The following UGT1A1 variants were observed in gnomAD, a reference collection of about 807,000 sequenced individuals.
UGT1A1 encodes the protein UDP-glucuronosyltransferase 1A1.
A neutral mutation model predicts 40.6 loss-of-function variants in UGT1A1; 33 were observed. That is an observed-to-expected ratio of 0.81 (90% CI 0.62 to 1.09). UGT1A1 has a LOEUF of 1.09. UGT1A1 is among the 50% of genes least tolerant of loss of function. The pLI, the probability that UGT1A1 is intolerant of heterozygous loss-of-function variation, is 0.00. For synonymous variants in UGT1A1, 249 were observed against 265.0 expected (o/e 0.94, Z 0.59); for missense variants, 694 against 671.2 (o/e 1.03, Z -0.38).
Position 233,768,325 on chromosome 2 carries a change from A to G in UGT1A1, c.1190A>G (p.Gln397Arg). 2.5e-6 allele frequency: 4 copies of G among 1,614,222 alleles called. No homozygotes were observed. The highest frequency in any genetic ancestry group is 3.4e-6 in the Non-Finnish European group (4 of 1,180,032). ...PMVMMPLFGDQMDNAKRMETK... is the reference protein window; with the variant it reads ...PMVMMPLFGDRMDNAKRMETK... ...GTGATGATGCCCTTGTTTGGTGATCAGATGGACAATGCAAAGCGCATGGAG... is the reference window on the plus strand; with the variant it reads ...GTGATGATGCCCTTGTTTGGTGATCGGATGGACAATGCAAAGCGCATGGAG... The change falls in exon 4 of 5, where the codon CAG becomes CGG. Residue 397 changes from glutamine (Q) to arginine (R), a missense_variant. Physicochemically the swap from Gln to Arg is conservative, Grantham distance 43 (BLOSUM62 1). Coordinates refer to ENST00000305208, the MANE Select transcript of UGT1A1 (RefSeq NM_000463.3).
intron 4 of UGT1A1, chr2:233,770,180 T>C (rs1257391797): frequency 6.6e-6 from 1 of 152,250 alleles, no homozygotes; most frequent in Non-Finnish European, 1.5e-5. Context: ...CTCAACTTAT[T>C]AACTAACTTT....
Position 233,769,514 on chromosome 2 carries a change from A to G in UGT1A1, c.1304+1075A>G. 2 of 1,612,844 alleles carry G rather than the reference A, an allele frequency of 1.2e-6. No homozygotes were observed. The highest frequency in any genetic ancestry group is 1.7e-6 in the Non-Finnish European group (2 of 1,179,856). ...ATGAGAGTGTCCATTGCTTTCTCCCATGGTTACCTCCTTTAGAAAGAAGCA... is the reference window on the plus strand; with the variant it reads ...ATGAGAGTGTCCATTGCTTTCTCCCGTGGTTACCTCCTTTAGAAAGAAGCA... On this transcript the variant is annotated intron_variant, in intron 4 of 4. Transcript: ENST00000305208. This position sits in a 1 kb window ranked among gnomAD's most constrained non-coding sequence, Gnocchi z 4.4.
In UGT1A1 at chr2:233,772,291, G is replaced by C; in HGVS notation, c.1334G>C (p.Ser445Thr). Residue 445 changes from serine (S) to threonine (T), a missense_variant, in exon 5 of 5, where the codon AGC becomes ACC. Physicochemically the swap from Ser to Thr is moderately conservative, Grantham distance 58. Transcript: ENST00000305208. ...SYKENIMRLS[S>T]LHKDRPVEPL... ...AAGGAGAACATCATGCGCCTCTCCA[G>C]CCTTCACAAGGACCGCCCGGTGGAG... 1 of 1,614,230 alleles carries C rather than the reference G, an allele frequency of 6.2e-7. No individual in the cohort carries two copies. The highest frequency in any genetic ancestry group is 8.5e-7 in the Non-Finnish European group (1 of 1,180,052).
intron 1 of UGT1A1, among the ~76,000 whole-genome samples, chr2:233,762,012 G>T (rs1697937713): frequency 6.6e-6 from 1 of 152,134 alleles, no homozygotes; most frequent in Non-Finnish European, 1.5e-5. Context: ...CCTCCAATGT[G>T]ATTTGTATTT....
At chr2:233,770,673 AAAG>A (rs1468674033) in intron 4 of UGT1A1, 2 of 152,078 alleles carry the variant, frequency 1.3e-5, no homozygotes, top group Admixed American at 6.6e-5. Context: ...AAAAAAAAAA[AAAG>A]AAGGTTCCAA....
At chr2:233,764,944 G>A (rs994254200) in intron 1 of UGT1A1, among the ~76,000 whole-genome samples, 1 of 152,160 alleles carries the variant, frequency 6.6e-6, no homozygotes, top group South Asian at 2.1e-4. Flanking sequence ...AGAGTGGCGG[G>A]GAGAGAGGGC....
Position 233,769,243 on chromosome 2 carries a change from CA to C in UGT1A1, c.1304+807del. Among the ~76,000 whole-genome samples the C allele has an allele frequency of 6.6e-6, 1 of 152,264 alleles. No homozygotes were observed. The highest frequency in any genetic ancestry group is 1.9e-4 in the East Asian group (1 of 5,180). ...GAATAAGAGCAAAGGAAAATTTGCT[CA>C]AATGTGGCCCTGAAAACGATTCAAA... On this transcript the variant is annotated intron_variant, in intron 4 of 4. Coordinates refer to ENST00000305208, the MANE Select transcript of UGT1A1 (RefSeq NM_000463.3). The surrounding 1 kb of genome is among the most constrained non-coding windows in gnomAD (Gnocchi z 4.4).
chr2:233,761,493 C>T (rs34652311), intron 1 of UGT1A1, among the ~76,000 whole-genome samples: 4,469 of 152,304 alleles, frequency 0.029, 206 homozygotes, highest in African/African-American at 0.1. Flanking sequence ...TGCACCTTGC[C>T]CTGGATTCAG....
At chr2:233,768,557 A>C in intron 4 of UGT1A1, 118 bp downstream of exon 4, 1 of 1,466,482 alleles carries the variant, frequency 6.8e-7, no homozygotes, top group Non-Finnish European at 9.0e-7. Flanking sequence ...AAACAAATAC[A>C]TAAAAATCTG....
chr2:233,772,147 T>C, intron 4 of UGT1A1, 115 bp from the exon 5 acceptor site: 1 of 1,552,928 alleles, frequency 6.4e-7, no homozygotes, highest in East Asian at 2.4e-5. Flanking sequence ...TAGAAACAGG[T>C]TTCCTTTCCC....
At chr2:233,766,075 T>C (rs1699041647) in intron 1 of UGT1A1, among the ~76,000 whole-genome samples, 1 of 152,186 alleles carries the variant, frequency 6.6e-6, no homozygotes, top group Non-Finnish European at 1.5e-5. Context: ...CCCTCTACCT[T>C]GTCGCAAGGA....
At chr2:233,772,184 TA>T (rs2126065808) in intron 4 of UGT1A1, 77 bp from the exon 5 acceptor site, 1 of 1,591,636 alleles carries the variant, frequency 6.3e-7, no homozygotes, top group Admixed American at 1.8e-5. Context: ...GTAGTCTTCT[TA>T]AGCAGCCATG....
rs1191731023 is a variant in UGT1A1, at chr2:233,773,247, T to C, written c.*688T>C. ...ATGAAGTGCTGGGCAAGTTTACTTTTTTTCTGATGTTTCCTACAACTAAAA... is the reference window on the plus strand; with the variant it reads ...ATGAAGTGCTGGGCAAGTTTACTTTCTTTCTGATGTTTCCTACAACTAAAA... On this transcript the variant is annotated 3_prime_UTR_variant, in exon 5 of 5. Coordinates refer to ENST00000305208, the MANE Select transcript of UGT1A1 (RefSeq NM_000463.3). The C allele has an allele frequency of 6.6e-6, 1 of 152,354 alleles. No homozygotes were observed. Among genetic ancestry groups the C allele is most frequent in the Admixed American group, 6.5e-5 (1 of 15,284 alleles). 9.4% of individuals were successfully genotyped at this position (152,354 alleles called of 1,614,324 possible).
At chr2:233,766,944 A>C (rs1699286381) in intron 1 of UGT1A1, 90 bp from the exon 2 acceptor site, 2 of 1,597,570 alleles carry the variant, frequency 1.3e-6, no homozygotes, top group South Asian at 2.3e-5. Context: ...TCATAGTCTT[A>C]AGAGGAAGAT....
At chr2:233,761,797 A>G (rs570450259) in intron 1 of UGT1A1, among the ~76,000 whole-genome samples, 2 of 152,324 alleles carry the variant, frequency 1.3e-5, no homozygotes, top group South Asian at 2.1e-4. Context: ...TCAGCAGAGG[A>G]TAGAAAAGAA....
rs773436128 is a variant in UGT1A1 at position 233,760,971 on chromosome 2, C to T, written c.684C>T (p.Ser228=). ...ACTTTCTGTGCGACGTGGTTTATTC[C>T]CCGTATGCAACCCTTGCCTCAGAAT... ...SQNFLCDVVY[S]PYATLASEFL... Residue 228 remains serine, a synonymous_variant, in exon 1 of 5, where the codon TCC becomes TCT. Coordinates refer to ENST00000305208, the MANE Select transcript of UGT1A1 (RefSeq NM_000463.3). 1 of 1,614,154 alleles carries T rather than the reference C, an allele frequency of 6.2e-7. No individual in the cohort carries two copies. Among genetic ancestry groups the T allele is most frequent in the South Asian group, 1.1e-5 (1 of 91,066 alleles).
chr2:233,772,326 C>A lies in UGT1A1; in HGVS notation c.1369C>A (p.Leu457Met), dbSNP rs767264478. ...HKDRPVEPLDLAVFWVEFVMR... is the reference protein window; with the variant it reads ...HKDRPVEPLDMAVFWVEFVMR... The stretch of plus-strand genomic sequence containing the variant: ...GGACCGCCCGGTGGAGCCGCTGGAC[C>A]TGGCCGTGTTCTGGGTGGAGTTTGT... The change falls in exon 5 of 5, where the codon CTG becomes ATG. Residue 457 changes from leucine (L) to methionine (M), a missense_variant. Coordinates refer to ENST00000305208, the MANE Select transcript of UGT1A1 (RefSeq NM_000463.3). 1 of 1,614,166 alleles carries A rather than the reference C, an allele frequency of 6.2e-7. No homozygotes were observed. The highest frequency in any genetic ancestry group is 8.5e-7 in the Non-Finnish European group (1 of 1,180,028).
chr2:233,760,450 C>CA lies in UGT1A1; in HGVS notation c.164dup (p.His55GlnfsTer2). On this transcript the variant is annotated frameshift_variant, in exon 1 of 5. Coordinates refer to ENST00000305208, the MANE Select transcript of UGT1A1 (RefSeq NM_000463.3). LOFTEE classifies it high-confidence loss of function. ...CATCCAGCAGCTGCAGCAGAGGGGA[C>CA]ATGAAATAGTTGTCCTAGCACCTGA... 1.2e-6 allele frequency: 2 copies of CA among 1,614,202 alleles called. No individual in the cohort carries two copies. The highest frequency in any genetic ancestry group is 1.7e-6 in the Non-Finnish European group (2 of 1,180,036).
At chr2:233,761,243 G>A (rs1268898166) in intron 1 of UGT1A1, 92 bp downstream of exon 1, 4 of 1,611,300 alleles carry the variant, frequency 2.5e-6, no homozygotes, top group Non-Finnish European at 3.4e-6. Flanking sequence ...TGCTGAGCAA[G>A]CATTCTGAGA....
Sources: allele counts gnomAD v4.1 joint callset (sites outside exome capture counted in the v4.1 genomes callset), GRCh38; gene constraint gnomAD v4.1.1; non-coding constraint Gnocchi (gnomAD v3.1); transcripts MANE v1.5; gene names NCBI Gene and HGNC (gene_info 2026-07-23, HGNC 2026-07-21).